Variants in ERLEC1 observed in about 807,000 individuals in gnomAD.
The protein encoded by ERLEC1 is endoplasmic reticulum lectin 1.
In ERLEC1, 47 loss-of-function variants were observed where a neutral mutation model predicts 68.0. The observed-to-expected ratio is 0.69, with a 90% CI of 0.55 to 0.88. The LOEUF is 0.88. Among genes scored for constraint, ERLEC1 ranks in the 40% least tolerant of loss-of-function variants. ERLEC1 has a pLI of 0.00. For missense variants in ERLEC1, 567 were observed against 583.8 expected, an observed-to-expected ratio of 0.97 and a Z score of 0.30; for synonymous variants, 225 against 203.2, an observed-to-expected ratio of 1.11 and a Z score of -0.91.
At chr2:53,814,812 C>A in intron 12 of ERLEC1, 48 bp from the exon 13 acceptor site, 1 of 1,394,362 alleles carries the variant, frequency 7.2e-7, no homozygotes, top group South Asian at 1.2e-5. Flanking sequence ...TAACAGTGAT[C>A]TTACTTTAAA....
chr2:53,810,659 C>A (rs1338272837), intron 10 of ERLEC1, among the ~76,000 whole-genome samples: 1 of 152,174 alleles, frequency 6.6e-6, no homozygotes, highest in Non-Finnish European at 1.5e-5. Context: ...ATCTCAGATT[C>A]CAAGATAGAT....
Position 53,810,491 on chromosome 2 carries a change from A to G in ERLEC1, c.1101+1218A>G, listed in dbSNP as rs1185942224. ...CAATTCTGTTATTTGTCCTACTTAT[A>G]CTTTGTTTAGTAAAGTAAGCTGCTA... On this transcript the variant is annotated intron_variant, in intron 10 of 13. Transcript: ENST00000185150. Among the ~76,000 whole-genome samples, 3 of 152,334 alleles carry G rather than the reference A, an allele frequency of 2.0e-5. No homozygotes were observed. In the East Asian group the frequency reaches 5.8e-4, roughly 29 times the overall value.
intron 3 of ERLEC1, among the ~76,000 whole-genome samples, chr2:53,797,302 A>G (rs1222533722): frequency 6.6e-6 from 1 of 152,216 alleles, no homozygotes; most frequent in Non-Finnish European, 1.5e-5. Context: ...TGTATTCTAG[A>G]CCTATTTCCT....
At chr2:53,801,961 C>T (rs371828633) in intron 8 of ERLEC1, 119 bp downstream of exon 8, 18 of 764,556 alleles carry the variant, frequency 2.4e-5, no homozygotes, top group Non-Finnish European at 3.8e-5. Flanking sequence ...CTGGCCCAAC[C>T]TTTTGAATTT....
intron 9 of ERLEC1, among the ~76,000 whole-genome samples, 161 bp downstream of exon 9, chr2:53,808,621 G>T (rs540712403): frequency 6.6e-6 from 1 of 152,086 alleles, no homozygotes; most frequent in Non-Finnish European, 1.5e-5. Flanking sequence ...ATACCCCCAC[G>T]TTTCTGTAAT....
chr2:53,817,235 G>A (rs980417429), intron 13 of ERLEC1, among the ~76,000 whole-genome samples: 1 of 151,862 alleles, frequency 6.6e-6, no homozygotes, highest in African/African-American at 2.4e-5. Context: ...CCGGGTTCAA[G>A]TTATTCTCCT....
intron 2 of ERLEC1, 56 bp downstream of exon 2, chr2:53,794,505 A>G (rs1489073174): frequency 8.9e-6 from 7 of 784,644 alleles, no homozygotes; most frequent in African/African-American, 1.8e-5. Context: ...TATGTAAAAC[A>G]TTGTAACTAC....
chr2:53,814,688 T>C, intron 12 of ERLEC1, 68 bp downstream of exon 12: 1 of 1,163,258 alleles, frequency 8.6e-7, no homozygotes, highest in South Asian at 1.3e-5. Flanking sequence ...ACAAAAGTTT[T>C]ATGTAAACAG....
At chr2:53,814,975 C>T in intron 13 of ERLEC1, 40 bp downstream of exon 13, 2 of 1,216,814 alleles carry the variant, frequency 1.6e-6, no homozygotes, top group Middle Eastern at 2.2e-4. Context: ...CCATTTTGAG[C>T]CATGTTTTAA....
At chr2:53,788,420 T>G (rs983151821) in intron 1 of ERLEC1, among the ~76,000 whole-genome samples, 4 of 152,200 alleles carry the variant, frequency 2.6e-5, no homozygotes, top group Admixed American at 6.5e-5. Flanking sequence ...GTTTGTTTTT[T>G]GAGACAGGGT....
At chr2:53,789,773 T>G (rs1211733736) in intron 1 of ERLEC1, among the ~76,000 whole-genome samples, 2 of 151,860 alleles carry the variant, frequency 1.3e-5, no homozygotes, top group Non-Finnish European at 2.9e-5. Flanking sequence ...AATCCCAACA[T>G]TTTGGGAGGC....
At chr2:53,814,995 CTTTTTTTTTT>C (rs777632156) in intron 13 of ERLEC1, 60 bp downstream of exon 13, 39,046 of 470,154 alleles carry the variant, frequency 0.083, 875 homozygotes, top group Non-Finnish European at 0.1. Context: ...ATTTTTTTTT[CTTTTTTTTTT>C]TTTTTTTTTT....
chr2:53,793,247 C>G (rs1306322237), intron 1 of ERLEC1, among the ~76,000 whole-genome samples: 1 of 152,092 alleles, frequency 6.6e-6, no homozygotes, highest in Non-Finnish European at 1.5e-5. Flanking sequence ...AAAATAATAT[C>G]TGTTGTATTA....
intron 6 of ERLEC1, among the ~76,000 whole-genome samples, chr2:53,800,010 A>G (rs928929290): frequency 4.6e-5 from 7 of 152,264 alleles, no homozygotes; most frequent in African/African-American, 1.7e-4. Context: ...CCAGTTTATA[A>G]GCCAGACACT....
Position 53,793,323 on chromosome 2 carries a change from T to C in ERLEC1, c.163-1022T>C, listed in dbSNP as rs979655104. On this transcript the variant is annotated intron_variant, in intron 1 of 13. Coordinates refer to ENST00000185150, the MANE Select transcript of ERLEC1 (RefSeq NM_015701.5). ...AATGTGAATTTGTTTGGTTTCATAGTGTAGAAAGCTTTAAGGATAATTTTG... is the reference window on the plus strand; with the variant it reads ...AATGTGAATTTGTTTGGTTTCATAGCGTAGAAAGCTTTAAGGATAATTTTG... Among the ~76,000 whole-genome samples the C allele has an allele frequency of 3.3e-5, 5 of 152,240 alleles. No individual in the cohort carries two copies. In the South Asian group the frequency reaches 1.0e-3, roughly 32 times the overall value.
At chr2:53,790,345 A>C (rs1321369781) in intron 1 of ERLEC1, among the ~76,000 whole-genome samples, 2 of 151,844 alleles carry the variant, frequency 1.3e-5, no homozygotes, top group Non-Finnish European at 2.9e-5. Context: ...TGATCCGCCC[A>C]CCTCGGCCTC....
intron 1 of ERLEC1, among the ~76,000 whole-genome samples, chr2:53,792,216 CTTT>C (rs535494639): frequency 2.2e-5 from 3 of 138,160 alleles, no homozygotes; most frequent in Admixed American, 7.3e-5. Context: ...CGCGCCAGGC[CTTT>C]TTTTTTTTTT....
chr2:53,787,804 T>C (rs1016196243), intron 1 of ERLEC1, among the ~76,000 whole-genome samples: 4 of 152,316 alleles, frequency 2.6e-5, no homozygotes, highest in Admixed American at 6.5e-5. Context: ...GTTCCCTCTC[T>C]CGTATTCGTT....
At chr2:53,810,719 A>T (rs1250324177) in intron 10 of ERLEC1, among the ~76,000 whole-genome samples, 3 of 152,218 alleles carry the variant, frequency 2.0e-5, no homozygotes, top group Non-Finnish European at 4.4e-5. Context: ...ATCTTCCAAA[A>T]TGAATGAGGC....
Sources: allele counts gnomAD v4.1 joint callset (sites outside exome capture counted in the v4.1 genomes callset), GRCh38; gene constraint gnomAD v4.1.1; transcripts MANE v1.5; gene names NCBI Gene and HGNC (gene_info 2026-07-23, HGNC 2026-07-21).